MGA: variants seen among roughly 807,000 people sequenced by gnomAD.
MGA encodes the protein MAX gene-associated protein.
In MGA, 40 loss-of-function variants were observed where a neutral mutation model predicts 261.1. The ratio of observed to expected loss-of-function variants is 0.15; its 90% confidence interval spans 0.12 to 0.20. MGA has a LOEUF of 0.20. Ranked by LOEUF, MGA falls within the 10% of genes least tolerant of loss-of-function variation. MGA has a pLI of 1.00. For missense variants in MGA, 3,397 were observed against 3,630.5 expected, an observed-to-expected ratio of 0.94 and a Z score of 1.65; for synonymous variants, 1,302 against 1,290.6, an observed-to-expected ratio of 1.01 and a Z score of -0.19.
intron 20 of MGA, 68 bp downstream of exon 20, chr15:41,760,597 T>C: frequency 6.7e-7 from 1 of 1,488,034 alleles, no homozygotes; most frequent in Non-Finnish European, 9.3e-7. Context: ...ATGAGAAAGA[T>C]AATCCACTGA....
At chr15:41,641,352 T>C (rs952587106) in intron 1 of MGA, among the ~76,000 whole-genome samples, 18 of 152,190 alleles carry the variant, frequency 1.2e-4, no homozygotes, top group African/African-American at 3.4e-4. Flanking sequence ...ATGTACGTAA[T>C]AGTGGAATGA....
chr15:41,727,274 C>G lies in MGA; in HGVS notation c.3525C>G (p.Pro1175=). Reference sequence around the variant, plus strand: ...TAGATCCAGAACCAGTTTATATCCCCACGCCTTCTGTCATTGAGCCTATGA... The same window carrying G: ...TAGATCCAGAACCAGTTTATATCCCGACGCCTTCTGTCATTGAGCCTATGA... Residue 1175 remains proline (P), a synonymous_variant, in exon 10 of 24, where the codon CCC becomes CCG. Coordinates refer to ENST00000219905, the MANE Select transcript of MGA (RefSeq NM_001164273.2). The G allele has an allele frequency of 6.2e-7, 1 of 1,613,916 alleles. No homozygotes were observed.
In MGA at chr15:41,769,535, A is replaced by G. The variant is rs554899670; in HGVS notation, c.*2255A>G. On this transcript the variant is annotated 3_prime_UTR_variant, in exon 24 of 24. Transcript: ENST00000219905. ...TGAGGAGGGCTTAGTCTTCAGAACA[A>G]TCCTGCAGTCTTGACAGAAATCTAA... is the stretch of plus-strand genomic sequence containing the variant. The G allele has an allele frequency of 1.4e-4, 22 of 152,268 alleles. No individual in the cohort carries two copies. Among genetic ancestry groups the G allele is most frequent in the Non-Finnish European group, 2.8e-4 (19 of 67,980 alleles). The allele number at this position is 152,268 out of a possible 1,614,324, so 9.4% of individuals were successfully genotyped here. A position where few individuals can be genotyped will look rare whatever the true frequency, so the allele number is the denominator to read the frequency against.
intron 1 of MGA, among the ~76,000 whole-genome samples, chr15:41,622,316 C>G (rs982805008): frequency 6.6e-6 from 1 of 152,026 alleles, no homozygotes; most frequent in African/African-American, 2.4e-5. Context: ...CCTCATACGG[C>G]CTCTGACTTC....
chr15:41,738,538 A>G (rs918735607), intron 13 of MGA, among the ~76,000 whole-genome samples: 1 of 152,178 alleles, frequency 6.6e-6, no homozygotes, highest in Non-Finnish European at 1.5e-5. Flanking sequence ...TCTACCTTAT[A>G]TATTGATTGA....
rs2057907525 is a variant in MGA at position 41,668,892 on chromosome 15, A to G, written c.-3A>G. 1.3e-6 allele frequency: 2 copies of G among 1,544,626 alleles called. No individual in the cohort carries two copies. The highest frequency in any genetic ancestry group is 2.7e-5 in the African/African-American group (2 of 73,288). ...TCTTACTACTGAGTTTCCTACTGAA[A>G]TCATGGAGGAGAAACAGCAGATTAT... On this transcript the variant is annotated 5_prime_UTR_variant, in exon 2 of 24. Transcript: ENST00000219905.
intron 17 of MGA, 35 bp from the exon 18 acceptor site, chr15:41,754,402 A>G (rs2151950173): frequency 6.7e-7 from 1 of 1,500,544 alleles, no homozygotes; most frequent in East Asian, 2.5e-5. Flanking sequence ...CTTGCCACTC[A>G]ATACATTATT....
chr15:41,714,214 G>A (rs1355844492), intron 9 of MGA, among the ~76,000 whole-genome samples: 1 of 151,958 alleles, frequency 6.6e-6, no homozygotes, highest in Non-Finnish European at 1.5e-5. Flanking sequence ...AATCAGAGAT[G>A]ATGATTAATA....
Position 41,766,121 on chromosome 15 carries a change from C to T in MGA, c.8039C>T (p.Pro2680Leu), listed in dbSNP as rs747554075. 1 of 1,613,976 alleles carries T rather than the reference C, an allele frequency of 6.2e-7. No homozygotes were observed. Among genetic ancestry groups the T allele is most frequent in the Non-Finnish European group, 8.5e-7 (1 of 1,179,898 alleles). The change falls in exon 24 of 24, where the codon CCA becomes CTA. Residue 2680 changes from proline (P) to leucine (L), a missense_variant. This residue lies in a region of MGA where 647 missense variants were observed against 642.4 expected (regional missense o/e 1.01). Transcript: ENST00000219905. ...CCTCATGAAGTTCCTGATAGCAAGC[C>T]ATCTGACCATCTGAAAGACACCGTC...
chr15:41,673,597 C>T (rs1595660209), intron 2 of MGA, among the ~76,000 whole-genome samples: 1 of 136,704 alleles, frequency 7.3e-6, no homozygotes, highest in South Asian at 2.3e-4. Flanking sequence ...GGCTGGAGTG[C>T]AGTGGTACGA....
intron 2 of MGA, among the ~76,000 whole-genome samples, chr15:41,695,836 G>A (rs1422356413): frequency 6.6e-6 from 1 of 152,134 alleles, no homozygotes; most frequent in Non-Finnish European, 1.5e-5. Context: ...ATATCAGCTG[G>A]CAGTTTAATG....
chr15:41,747,348 G>A lies in MGA; in HGVS notation c.5213-1289G>A, dbSNP rs146955879. On this transcript the variant is annotated intron_variant, in intron 15 of 23. Transcript: ENST00000219905. ...TTTAGTTCTTTATCTTCCTCAGGTG[G>A]TATAAGCTTAGAAATTGACCCATAA... 1.1e-3 allele frequency among the ~76,000 whole-genome samples: 170 copies of A among 152,172 alleles called. 1 individual carries two copies. In the East Asian group the frequency reaches 0.03, roughly 27 times the overall value.
chr15:41,762,415 T>C lies in MGA; in HGVS notation c.7744+53T>C, dbSNP rs546688498. 46 of 1,299,056 alleles carry C rather than the reference T, an allele frequency of 3.5e-5. No homozygotes were observed. In the African/African-American group the frequency reaches 6.0e-4, roughly 17 times the overall value. 80.5% of individuals were successfully genotyped at this position (1,299,056 alleles called of 1,614,324 possible). On this transcript the variant is annotated intron_variant, in intron 22 of 23. Coordinates refer to ENST00000219905, the MANE Select transcript of MGA (RefSeq NM_001164273.2). Reference sequence around the variant, plus strand: ...AATGTAGATATACATCAGTTGACTTTAGTGGACTGACCACCTTCTCTTGTC... The same window carrying C: ...AATGTAGATATACATCAGTTGACTTCAGTGGACTGACCACCTTCTCTTGTC...
At chr15:41,643,516 A>G (rs1459938332) in intron 1 of MGA, among the ~76,000 whole-genome samples, 2 of 152,094 alleles carry the variant, frequency 1.3e-5, no homozygotes, top group East Asian at 3.9e-4. Flanking sequence ...CTGGGATTAC[A>G]GGGGTGAGCC....
chr15:41,626,456 C>G (rs1171516843), intron 1 of MGA, among the ~76,000 whole-genome samples: 2 of 151,880 alleles, frequency 1.3e-5, no homozygotes, highest in African/African-American at 4.8e-5. Flanking sequence ...GAGTTTTACT[C>G]TTGTTGCCCA....
At chr15:41,707,057 C>T (rs1397711801) in intron 5 of MGA, among the ~76,000 whole-genome samples, 1 of 152,158 alleles carries the variant, frequency 6.6e-6, no homozygotes, top group Non-Finnish European at 1.5e-5. Context: ...AGGCCAGCAG[C>T]TTAGTCTATG....
intron 1 of MGA, among the ~76,000 whole-genome samples, chr15:41,661,185 G>A (rs1595595134): frequency 6.6e-6 from 1 of 152,062 alleles, no homozygotes; most frequent in East Asian, 1.9e-4. Flanking sequence ...AATGAGGGAG[G>A]GGAAAACAGG....
rs1287387215 is a variant in MGA, at chr15:41,767,490, TGTG to T, written c.*214_*216del. Reference sequence around the variant, plus strand: ...TCATGTTAAAATGTGTTACCTCACTTGTGGTGCTGGGTCCCCTCATCCTCTCTA... The same window carrying T: ...TCATGTTAAAATGTGTTACCTCACTTGTGCTGGGTCCCCTCATCCTCTCTA... On this transcript the variant is annotated 3_prime_UTR_variant, in exon 24 of 24. Coordinates refer to ENST00000219905, the MANE Select transcript of MGA (RefSeq NM_001164273.2). 15 of 592,330 alleles carry T rather than the reference TGTG, an allele frequency of 2.5e-5. No homozygotes were observed. The highest frequency in any genetic ancestry group is 3.7e-5 in the African/African-American group (2 of 53,844). The allele number at this position is 592,330 out of a possible 1,614,324, so 36.7% of individuals were successfully genotyped here. A position where few individuals can be genotyped will look rare whatever the true frequency, so the allele number is the denominator to read the frequency against.
At chr15:41,760,216 C>A in intron 19 of MGA, 107 bp from the exon 20 acceptor site, 1 of 1,036,984 alleles carries the variant, frequency 9.6e-7, no homozygotes, top group Non-Finnish European at 1.5e-6. Flanking sequence ...TTACAACAGT[C>A]CAGACAAAAG....
Sources: gnomAD v4.1 joint callset for allele counts (sites outside exome capture counted in the v4.1 genomes callset) on GRCh38, gnomAD v4.1.1 for gene constraint, gnomAD v4.1.1 regional missense constraint, MANE v1.5 for transcripts, NCBI Gene and HGNC (gene_info 2026-07-23, HGNC 2026-07-21) for gene names.